NEK10: variants seen among roughly 807,000 people sequenced by gnomAD.
NEK10 encodes serine/threonine-protein kinase Nek10.
Under a neutral mutation model 159.8 loss-of-function variants are expected in NEK10, and 122 were observed. The ratio of observed to expected loss-of-function variants is 0.76; its 90% CI spans 0.66 to 0.89. The LOEUF (loss-of-function observed/expected upper bound fraction) is 0.89, where lower values mean the gene tolerates loss of function less well. NEK10 is among the 40% of genes least tolerant of loss of function. NEK10 has a pLI of 0.00. For missense variants in NEK10, 1,342 were observed against 1,323.1 expected (o/e 1.01, Z -0.22); for synonymous variants, 466 against 457.1 (o/e 1.02, Z -0.25).
At chr3:27,297,074 A>G (rs192817587) in intron 14 of NEK10, 105 bp downstream of exon 14, 5 of 646,674 alleles carry the variant, frequency 7.7e-6, no homozygotes, top group African/African-American at 5.4e-5. Context: ...TTAAAATCAC[A>G]TGATGGGAAT....
At chr3:27,257,362 A>C (rs2149329270) in intron 22 of NEK10, among the ~76,000 whole-genome samples, 1 of 152,348 alleles carries the variant, frequency 6.6e-6, no homozygotes, top group Admixed American at 6.5e-5. Flanking sequence ...GCAAGAATTC[A>C]AGTTGTTTTT....
chr3:27,262,748 G>C (rs1406588512), intron 22 of NEK10, among the ~76,000 whole-genome samples: 1 of 152,040 alleles, frequency 6.6e-6, no homozygotes, highest in Non-Finnish European at 1.5e-5. Context: ...TTTTTTTCAA[G>C]GTTTTTAACT....
chr3:27,287,737 G>T lies in NEK10; in HGVS notation c.1750C>A (p.His584Asn). The T allele has an allele frequency of 6.4e-7, 1 of 1,558,608 alleles. No individual in the cohort carries two copies. The highest frequency in any genetic ancestry group is 1.2e-5 in the South Asian group (1 of 81,492). ...TTGTAATAACGTACAATGTTGGGAT[G>T]ATAAAGCTATAAGAAAATAAATAAC... ...ELTIIKEQLY[H>N]PNIVRYYKTF... Residue 584 changes from histidine to asparagine, a missense_variant, in exon 20 of 36, where the codon CAT becomes AAT. His to Asn is a moderately conservative substitution (Grantham distance 68). Coordinates refer to ENST00000691995, the MANE Select transcript of NEK10 (RefSeq NM_001394966.1).
At chr3:27,146,528 C>G (rs1185942294) in intron 30 of NEK10, among the ~76,000 whole-genome samples, 1 of 152,128 alleles carries the variant, frequency 6.6e-6, no homozygotes, top group Non-Finnish European at 1.5e-5. Context: ...TATATTGGAC[C>G]AACAGTGTTG....
chr3:27,331,262 A>AAAAAAAAAACC, intron 5 of NEK10, among the ~76,000 whole-genome samples: 1 of 110,082 alleles, frequency 9.1e-6, no homozygotes, highest in Non-Finnish European at 2.0e-5. Context: ...AAAAAAAAAA[A>AAAAAAAAAACC]ACACACAAAC....
chr3:27,335,154 C>T (rs904840488), intron 5 of NEK10, among the ~76,000 whole-genome samples: 8 of 152,070 alleles, frequency 5.3e-5, no homozygotes, highest in South Asian at 4.1e-4. Flanking sequence ...GCCTGGCCAA[C>T]ATGGTGAAGC....
At chr3:27,129,570 T>G (rs1575425053) in intron 32 of NEK10, among the ~76,000 whole-genome samples, 1 of 152,144 alleles carries the variant, frequency 6.6e-6, no homozygotes, top group South Asian at 2.1e-4. Flanking sequence ...TAAGTTTAGA[T>G]GAAGGCAGGA....
chr3:27,151,780 A>G (rs1944900829), intron 30 of NEK10, among the ~76,000 whole-genome samples: 1 of 152,210 alleles, frequency 6.6e-6, no homozygotes, highest in Admixed American at 6.5e-5. Context: ...GAAGGGAGAA[A>G]TATTCAGGGA....
At chr3:27,266,823 T>A (rs890503520) in intron 22 of NEK10, among the ~76,000 whole-genome samples, 2 of 152,206 alleles carry the variant, frequency 1.3e-5, no homozygotes, top group Non-Finnish European at 2.9e-5. Context: ...ACATGCTTCC[T>A]CTCTTTCCTT....
intron 5 of NEK10, among the ~76,000 whole-genome samples, chr3:27,335,594 A>G (rs1445237827): frequency 6.6e-6 from 1 of 152,216 alleles, no homozygotes; most frequent in Non-Finnish European, 1.5e-5. Context: ...AACATTCTCC[A>G]TGATAGACCA....
intron 23 of NEK10, among the ~76,000 whole-genome samples, chr3:27,244,900 C>T (rs370755837): frequency 3.7e-4 from 56 of 152,304 alleles, no homozygotes; most frequent in African/African-American, 1.3e-3. Context: ...AGCTCCAGAA[C>T]AGCTTCAGCC....
At chr3:27,146,069 ATCTC>A (rs1944270496) in intron 30 of NEK10, among the ~76,000 whole-genome samples, 1 of 151,982 alleles carries the variant, frequency 6.6e-6, no homozygotes, top group Non-Finnish European at 1.5e-5. Context: ...TGTTCTATCT[ATCTC>A]TCTCAACATT....
chr3:27,267,189 C>A (rs1278883726), intron 22 of NEK10, among the ~76,000 whole-genome samples: 2 of 152,188 alleles, frequency 1.3e-5, no homozygotes, highest in African/African-American at 4.8e-5. Context: ...CTTTATCCTG[C>A]AGCATTTCAA....
intron 30 of NEK10, among the ~76,000 whole-genome samples, chr3:27,159,341 T>C (rs1945790806): frequency 6.6e-6 from 1 of 152,186 alleles, no homozygotes; most frequent in Non-Finnish European, 1.5e-5. Flanking sequence ...TTATGGCAAG[T>C]GATACTATAC....
chr3:27,358,315 C>T (rs1427624599), intron 1 of NEK10, among the ~76,000 whole-genome samples: 1 of 152,176 alleles, frequency 6.6e-6, no homozygotes, highest in Non-Finnish European at 1.5e-5. Flanking sequence ...AGTCATGGGA[C>T]CTGAATACCA....
At chr3:27,307,804 T>A in intron 11 of NEK10, 55 bp downstream of exon 11, 1 of 815,834 alleles carries the variant, frequency 1.2e-6, no homozygotes, top group South Asian at 1.4e-5. Context: ...TAATAACAAG[T>A]GTATCTGTCA....
rs911002609 is a variant in NEK10, at chr3:27,305,116, C to T, written c.804-145G>A. ...TCAATGTGCCATTTTCTGTAAGGAG[C>T]CCGATCAAAGCCAAACACTTTTAGC... is the stretch of plus-strand genomic sequence containing the variant. On this transcript the variant is annotated intron_variant, in intron 11 of 35. Transcript: ENST00000691995. 11 of 621,216 alleles carry T rather than the reference C, an allele frequency of 1.8e-5. No homozygotes were observed. The African/African-American group carries it at 1.8e-4, about 10-fold the overall frequency. 38.5% of individuals were successfully genotyped at this position (621,216 alleles called of 1,614,324 possible).
chr3:27,346,124 C>T lies in NEK10; in HGVS notation c.225G>A (p.Trp75Ter). Reference protein sequence around the residue: ...RAGGHRARGQWHESTEAVELE... With the variant: ...RAGGHRARGQ Reference sequence around the variant, plus strand: ...GTTCAACAGCTTCTGTGGATTCATGCCACTGACCCCGAGCTCTGTGTCCAC... The same window carrying T: ...GTTCAACAGCTTCTGTGGATTCATGTCACTGACCCCGAGCTCTGTGTCCAC... The change falls in exon 4 of 36, where the codon TGG (tryptophan) becomes TGA (stop). Residue 75 changes from tryptophan to a stop codon, truncating the protein, a stop_gained. Transcript: ENST00000691995. LOFTEE classifies it high-confidence loss of function. 1 of 1,613,692 alleles carries T rather than the reference C, an allele frequency of 6.2e-7. No homozygotes were observed.
chr3:27,169,987 G>A (rs964516563), intron 29 of NEK10, among the ~76,000 whole-genome samples: 3 of 152,084 alleles, frequency 2.0e-5, no homozygotes, highest in African/African-American at 2.4e-5. Flanking sequence ...GCCCTTATAA[G>A]CCTCCCAAAA....
Sources: gnomAD v4.1 joint callset for allele counts (sites outside exome capture counted in the v4.1 genomes callset) on GRCh38, gnomAD v4.1.1 for gene constraint, MANE v1.5 for transcripts, NCBI Gene and HGNC (gene_info 2026-07-23, HGNC 2026-07-21) for gene names.